Variants in PAQR5 observed in about 807,000 individuals in gnomAD.
PAQR5 encodes the protein progestin and adipoQ receptor family member 5.
In PAQR5, 20 loss-of-function variants were observed where a neutral mutation model predicts 34.5. That is an observed-to-expected ratio of 0.58 (90% CI 0.41 to 0.84). The LOEUF (loss-of-function observed/expected upper bound fraction) is 0.84. PAQR5 is among the 40% of genes least tolerant of loss of function. The probability of loss-of-function intolerance (pLI) is 0.00; values close to 1 mark genes in which losing one functional copy is unlikely to be tolerated. For synonymous variants in PAQR5, 131 were observed against 155.6 expected (o/e 0.84, Z 1.18); for missense variants, 378 against 412.7 (o/e 0.92, Z 0.73).
At chr15:69,367,044 A>C (rs1304044943) in intron 3 of PAQR5, among the ~76,000 whole-genome samples, 2 of 152,088 alleles carry the variant, frequency 1.3e-5, no homozygotes, top group Non-Finnish European at 2.9e-5. Context: ...TTTGACTTTC[A>C]ATCCTTCCCC....
chr15:69,332,714 G>C (rs2054411237), intron 1 of PAQR5, among the ~76,000 whole-genome samples: 1 of 86,440 alleles, frequency 1.2e-5, no homozygotes, highest in African/African-American at 5.0e-5. Flanking sequence ...CCCATGGATA[G>C]CTTCTGATTT....
Position 69,360,197 on chromosome 15 carries a change from G to T in PAQR5, c.51+66G>T. On this transcript the variant is annotated intron_variant, in intron 3 of 8. Transcript: ENST00000395407. ...TGACCAGGGCTTGGCCTCCGCAATG[G>T]GGGGCTGTTGTCTTCACCTAGTCTG... 5 of 1,226,074 alleles carry T rather than the reference G, an allele frequency of 4.1e-6. No individual in the cohort carries two copies. The South Asian group carries it at 6.0e-5, about 15-fold the overall frequency. The allele number at this position is 1,226,074 out of a possible 1,614,324, so 75.9% of individuals were successfully genotyped here.
intron 3 of PAQR5, among the ~76,000 whole-genome samples, chr15:69,370,298 A>C (rs908966866): frequency 1.3e-5 from 2 of 152,128 alleles, no homozygotes; most frequent in East Asian, 3.8e-4. Context: ...CAGTTTTCTT[A>C]TTTGTAAAAT....
intron 3 of PAQR5, among the ~76,000 whole-genome samples, chr15:69,373,434 T>C (rs553289682): frequency 2.0e-5 from 3 of 152,138 alleles, no homozygotes; most frequent in Non-Finnish European, 2.9e-5. Flanking sequence ...AAACTGAAAA[T>C]AGTTTTTCTA....
At chr15:69,299,833 C>T (rs1332256733) in intron 1 of PAQR5, among the ~76,000 whole-genome samples, 3 of 152,178 alleles carry the variant, frequency 2.0e-5, no homozygotes, top group African/African-American at 4.8e-5. Flanking sequence ...GTGACAACTG[C>T]CCCTTCCCAC....
At chr15:69,395,484 CG>C (rs2056396738) in intron 6 of PAQR5, among the ~76,000 whole-genome samples, 1 of 152,194 alleles carries the variant, frequency 6.6e-6, no homozygotes. Context: ...TGGAGCTCCA[CG>C]ATGCATGTGT....
intron 6 of PAQR5, among the ~76,000 whole-genome samples, chr15:69,393,365 TG>T (rs1457192672): frequency 6.6e-6 from 1 of 151,886 alleles, no homozygotes. Context: ...TCAGAAGAAG[TG>T]GGTAGAGAGG....
chr15:69,303,926 G>A (rs947000984), intron 1 of PAQR5, among the ~76,000 whole-genome samples: 6 of 152,130 alleles, frequency 3.9e-5, no homozygotes, highest in African/African-American at 7.2e-5. Context: ...TTTTTCCATC[G>A]TCATTGTGGT....
intron 4 of PAQR5, among the ~76,000 whole-genome samples, chr15:69,382,281 G>A (rs1367915543): frequency 6.6e-6 from 1 of 152,140 alleles, no homozygotes; most frequent in Non-Finnish European, 1.5e-5. Flanking sequence ...TGCGAGGAAT[G>A]GCTGAAGGAA....
chr15:69,365,644 G>C (rs1380327654), intron 3 of PAQR5, among the ~76,000 whole-genome samples: 2 of 152,160 alleles, frequency 1.3e-5, no homozygotes, highest in East Asian at 3.8e-4. Context: ...GGCCTATAAT[G>C]TTTTCTTCTT....
intron 1 of PAQR5, among the ~76,000 whole-genome samples, chr15:69,303,583 A>T (rs1218538119): frequency 9.0e-6 from 1 of 111,032 alleles, no homozygotes. Context: ...AGCACATCCA[A>T]TCAATCAATC....
intron 8 of PAQR5, 110 bp downstream of exon 8, chr15:69,400,225 G>C: frequency 9.0e-7 from 1 of 1,108,722 alleles, no homozygotes; most frequent in East Asian, 2.4e-5. Flanking sequence ...GGCAGAGAGA[G>C]AGGCCAAGGC....
rs537670075 is a variant in PAQR5 at position 69,323,897 on chromosome 15, A to T, written c.-276-13444A>T. The stretch of plus-strand genomic sequence containing the variant: ...TATAACCTGCTTTTTTTCACTTAAC[A>T]ACTTGTCATGACACCGTTACCTGTC... On this transcript the variant is annotated intron_variant, in intron 1 of 8. Coordinates refer to ENST00000395407, the MANE Select transcript of PAQR5 (RefSeq NM_017705.4). Among the ~76,000 whole-genome samples, 4 of 152,210 alleles carry T rather than the reference A, an allele frequency of 2.6e-5. No homozygotes were observed. In the East Asian group the frequency reaches 7.7e-4, roughly 29 times the overall value.
chr15:69,388,990 A>C (rs1406891655), intron 5 of PAQR5, among the ~76,000 whole-genome samples: 1 of 152,254 alleles, frequency 6.6e-6, no homozygotes, highest in Non-Finnish European at 1.5e-5. Context: ...TAAATGCTTC[A>C]GCAAAAAGGT....
intron 3 of PAQR5, among the ~76,000 whole-genome samples, chr15:69,375,021 C>A (rs2055668260): frequency 6.6e-6 from 1 of 152,248 alleles, no homozygotes; most frequent in Non-Finnish European, 1.5e-5. Context: ...GATCTGCACA[C>A]ACTTGCAGAA....
intron 2 of PAQR5, among the ~76,000 whole-genome samples, chr15:69,350,774 A>G (rs1019644024): frequency 2.0e-5 from 3 of 152,162 alleles, no homozygotes; most frequent in Middle Eastern, 3.2e-3. Context: ...TAGACCCAAA[A>G]ACCCTTGAAT....
intron 6 of PAQR5, among the ~76,000 whole-genome samples, chr15:69,392,573 G>A (rs1186659463): frequency 6.6e-6 from 1 of 152,198 alleles, no homozygotes; most frequent in African/African-American, 2.4e-5. Flanking sequence ...GGAGCTGAGG[G>A]TGCCAGAAGG....
intron 3 of PAQR5, among the ~76,000 whole-genome samples, chr15:69,376,763 C>G (rs938853823): frequency 4.6e-5 from 7 of 152,180 alleles, no homozygotes; most frequent in African/African-American, 1.7e-4. Context: ...ATATCCTCCC[C>G]AGGTCTGGGG....
At chr15:69,344,063 G>A (rs2054706227) in intron 2 of PAQR5, among the ~76,000 whole-genome samples, 1 of 152,094 alleles carries the variant, frequency 6.6e-6, no homozygotes, top group African/African-American at 2.4e-5. Flanking sequence ...TGAACTCCCG[G>A]ACTCAAGCAA....
Sources: gnomAD v4.1 joint callset for allele counts (sites outside exome capture counted in the v4.1 genomes callset) on GRCh38, gnomAD v4.1.1 for gene constraint, MANE v1.5 for transcripts, NCBI Gene and HGNC (gene_info 2026-07-23, HGNC 2026-07-21) for gene names.